Variants in TEX9 observed in about 807,000 individuals in gnomAD.
TEX9 encodes the protein testis expressed 9.
TEX9 carries 74 observed loss-of-function variants against 59.6 expected under a neutral mutation model. That is an observed-to-expected ratio of 1.24 (90% CI 1.03 to 1.51). The LOEUF (loss-of-function observed/expected upper bound fraction) is 1.51, where lower values mean the gene tolerates loss of function less well. Among genes scored for constraint, TEX9 ranks in the 40% most tolerant of loss-of-function variants. TEX9 has a pLI of 0.00. For synonymous variants in TEX9, 186 were observed against 152.2 expected, an observed-to-expected ratio of 1.22 and a Z score of -1.64; for missense variants, 522 against 447.8, an observed-to-expected ratio of 1.17 and a Z score of -1.49.
intron 2 of TEX9, among the ~76,000 whole-genome samples, chr15:56,366,045 G>C (rs776976221): frequency 6.6e-6 from 1 of 152,176 alleles, no homozygotes; most frequent in Non-Finnish European, 1.5e-5. Flanking sequence ...TTTACCTTGT[G>C]TAAATTTCCT....
intron 1 of TEX9, among the ~76,000 whole-genome samples, chr15:56,245,113 G>C (rs943021429): frequency 6.6e-6 from 1 of 152,124 alleles, no homozygotes; most frequent in Non-Finnish European, 1.5e-5. Flanking sequence ...TGGACTTTGG[G>C]CTGTGGGGCT....
intron 12 of TEX9, chr15:56,443,289 CTG>C: frequency 1.9e-6 from 1 of 529,082 alleles, no homozygotes; most frequent in Non-Finnish European, 3.0e-6. Context: ...TTGAAAATTT[CTG>C]TCTTTTAACT....
intron 1 of TEX9, among the ~76,000 whole-genome samples, chr15:56,352,840 C>T (rs1246598716): frequency 6.6e-6 from 1 of 152,118 alleles, no homozygotes; most frequent in Non-Finnish European, 1.5e-5. Flanking sequence ...GATGTTTGAT[C>T]AGTTAATGAA....
At position 56,321,172 on chromosome 15, in the gene TEX9, TATAATC is replaced by T. The variant is rs149895122; in HGVS notation, c.-106-52267_-106-52262del. ...AGATGCGAATGATTAGTGGGTGTGA[TATAATC>T]AAAGAGGAATACAATAAGGCCACAG... On this transcript the variant is annotated intron_variant, in intron 1 of 5. Coordinates refer to the TEX9 transcript ENST00000560827. 1.2e-3 allele frequency among the ~76,000 whole-genome samples: 177 copies of T among 152,270 alleles called. 4 individuals are homozygous for T. The East Asian group carries it at 0.03, about 26-fold the overall frequency.
intron 9 of TEX9, among the ~76,000 whole-genome samples, chr15:56,401,411 G>T (rs1322054342): frequency 6.6e-6 from 1 of 151,242 alleles, no homozygotes; most frequent in Admixed American, 6.6e-5. Flanking sequence ...ATTACATAAT[G>T]GTAAAGGGAT....
At chr15:56,249,475 G>T (rs1427473588) in intron 1 of TEX9, among the ~76,000 whole-genome samples, 3 of 151,452 alleles carry the variant, frequency 2.0e-5, no homozygotes, top group African/African-American at 7.3e-5. Context: ...GGGAAGAAAG[G>T]AGGGAGGGAG....
chr15:56,383,989 C>T (rs764065371), exon 4 of TEX9: 3 of 1,612,374 alleles, frequency 1.9e-6, no homozygotes, highest in Admixed American at 1.7e-5. Flanking sequence ...CCTGTTTCAA[C>T]ACAAATGAAA....
At chr15:56,271,428 G>A (rs1287661850) in intron 1 of TEX9, among the ~76,000 whole-genome samples, 1 of 151,848 alleles carries the variant, frequency 6.6e-6, no homozygotes, top group African/African-American at 2.4e-5. Context: ...TAATGGAATC[G>A]GCTACTGAAG....
intron 1 of TEX9, among the ~76,000 whole-genome samples, chr15:56,295,615 G>A (rs1330611473): frequency 6.6e-6 from 1 of 152,170 alleles, no homozygotes; most frequent in South Asian, 2.1e-4. Context: ...TATTGCTTTT[G>A]CCTTTGTACC....
chr15:56,451,406 A>G, the TEX9 span, among the ~76,000 whole-genome samples: 51 of 152,278 alleles, frequency 3.3e-4, no homozygotes, highest in Admixed American at 3.1e-3. Context: ...TTCTTGTTTC[A>G]GCATTTGCTT....
chr15:56,382,194 C>T (rs542134866), intron 3 of TEX9, among the ~76,000 whole-genome samples: 4 of 152,250 alleles, frequency 2.6e-5, no homozygotes, highest in Middle Eastern at 3.4e-3. Flanking sequence ...CACTTAAAGC[C>T]CAAGGGCTTT....
chr15:56,400,494 CA>C (rs2048715475), intron 9 of TEX9, among the ~76,000 whole-genome samples: 1 of 151,868 alleles, frequency 6.6e-6, no homozygotes, highest in Non-Finnish European at 1.5e-5. Context: ...GTGAAAAGAC[CA>C]AATCTACATT....
intron 1 of TEX9, among the ~76,000 whole-genome samples, chr15:56,287,968 T>A (rs1186037156): frequency 6.6e-6 from 1 of 152,202 alleles, no homozygotes; most frequent in Non-Finnish European, 1.5e-5. Flanking sequence ...GTGAATAATG[T>A]TGCAACATGA....
chr15:56,337,041 C>T (rs1052986597), intron 1 of TEX9, among the ~76,000 whole-genome samples: 4 of 152,122 alleles, frequency 2.6e-5, no homozygotes, highest in Non-Finnish European at 4.4e-5. Flanking sequence ...TATCCTCTTG[C>T]TTCATGTAAT....
intron 12 of TEX9, chr15:56,429,931 A>G (rs1210009905): frequency 6.6e-6 from 1 of 152,188 alleles, no homozygotes; most frequent in East Asian, 1.9e-4. Context: ...CCTACAATTT[A>G]TAATTTAGTT....
At chr15:56,407,516 TTATTA>T (rs1473881126) in intron 9 of TEX9, among the ~76,000 whole-genome samples, 1 of 152,182 alleles carries the variant, frequency 6.6e-6, no homozygotes, top group Non-Finnish European at 1.5e-5. Flanking sequence ...TGTATTATGT[TTATTA>T]TATTTATAAT....
intron 9 of TEX9, among the ~76,000 whole-genome samples, chr15:56,410,506 G>A (rs1335463394): frequency 2.6e-5 from 4 of 151,640 alleles, no homozygotes; most frequent in Non-Finnish European, 5.9e-5. Flanking sequence ...CAGGACTTCA[G>A]ATTTTTCGTG....
At chr15:56,336,084 G>A (rs1567090139) in intron 1 of TEX9, among the ~76,000 whole-genome samples, 1 of 152,076 alleles carries the variant, frequency 6.6e-6, no homozygotes, top group African/African-American at 2.4e-5. Context: ...CAGTTGCATC[G>A]CTGAAATACT....
At chr15:56,325,774 A>G (rs575683513) in intron 1 of TEX9, among the ~76,000 whole-genome samples, 5 of 152,220 alleles carry the variant, frequency 3.3e-5, no homozygotes, top group Non-Finnish European at 5.9e-5. Context: ...TCCCTATTTC[A>G]TGGTCTGACT....
Sources: allele counts gnomAD v4.1 joint callset (sites outside exome capture counted in the v4.1 genomes callset), GRCh38; gene constraint gnomAD v4.1.1; transcripts MANE v1.5; gene names NCBI Gene and HGNC (gene_info 2026-07-23, HGNC 2026-07-21).